Variants in ROBO1 observed in about 807,000 individuals in gnomAD.
ROBO1 encodes the protein roundabout guidance receptor 1.
Under a neutral mutation model 195.9 loss-of-function variants are expected in ROBO1, and 149 were observed. The observed-to-expected ratio is 0.76, with a 90% confidence interval of 0.67 to 0.87. ROBO1 has a LOEUF of 0.87. Ranked by LOEUF, ROBO1 falls within the 40% of genes least tolerant of loss-of-function variation. The pLI, the probability that ROBO1 is intolerant of heterozygous loss-of-function variation, is 0.00. For missense variants in ROBO1, 1,933 were observed against 2,068.3 expected (o/e 0.93, Z 1.27); for synonymous variants, 816 against 733.2 (o/e 1.11, Z -1.82).
chr3:79,381,275 TG>T (rs1308418763), intron 2 of ROBO1, among the ~76,000 whole-genome samples: 1 of 147,116 alleles, frequency 6.8e-6, no homozygotes, highest in African/African-American at 2.5e-5. Flanking sequence ...GAGAATTGCT[TG>T]AACCCATGAG....
At chr3:78,836,592 T>C (rs999643052) in intron 4 of ROBO1, among the ~76,000 whole-genome samples, 2 of 151,818 alleles carry the variant, frequency 1.3e-5, no homozygotes, top group Non-Finnish European at 2.9e-5. Context: ...AGACAATTCA[T>C]TGATTATAAT....
rs768907147 is a variant in ROBO1 at position 78,639,809 on chromosome 3, G to A, written c.2972C>T (p.Ser991Phe). The A allele has an allele frequency of 1.1e-5, 18 of 1,613,492 alleles. 1 individual carries two copies. In the South Asian group the frequency reaches 1.9e-4, roughly 17 times the overall value. The change falls in exon 22 of 31, where the codon TCC becomes TTC. Residue 991 changes from serine to phenylalanine, a missense_variant. Around this residue, in one of 3 missense-constraint regions of ROBO1, gnomAD observed 1,737 missense variants for 1,882.5 expected, o/e 0.92. Coordinates refer to ENST00000464233, the MANE Select transcript of ROBO1 (RefSeq NM_002941.4). ...ATTGCCTGCCGTGCAGCAGCTGATGGAGCAGTCATTGTGGTTGTTGCCAGT... is the reference window on the plus strand; with the variant it reads ...ATTGCCTGCCGTGCAGCAGCTGATGAAGCAGTCATTGTGGTTGTTGCCAGT... ...PNTGNNHNDC[S>F]ISCCTAGNGN...
chr3:78,849,470 AT>A (rs1354557047), intron 4 of ROBO1, among the ~76,000 whole-genome samples: 1 of 152,036 alleles, frequency 6.6e-6, no homozygotes, highest in African/African-American at 2.4e-5. Context: ...AGTGAAAGTG[AT>A]TTTACTTATC....
intron 4 of ROBO1, among the ~76,000 whole-genome samples, chr3:78,763,234 A>G (rs1419741785): frequency 6.6e-6 from 1 of 152,180 alleles, no homozygotes; most frequent in African/African-American, 2.4e-5. Flanking sequence ...AAGAGAAGAC[A>G]AAAGAACAAC....
intron 3 of ROBO1, among the ~76,000 whole-genome samples, chr3:79,088,077 G>A (rs2079406694): frequency 6.6e-6 from 1 of 152,144 alleles, no homozygotes; most frequent in Non-Finnish European, 1.5e-5. Flanking sequence ...CTCAACTAGT[G>A]TTGATGACGG....
In ROBO1 at chr3:79,176,012, C is replaced by T. The variant is rs73110971; in HGVS notation, c.89-50473G>A. Among the ~76,000 whole-genome samples the T allele has an allele frequency of 1.3e-3, 197 of 152,282 alleles. 2 individuals carry two copies. Among genetic ancestry groups the T allele is most frequent in the Non-Finnish European group, 1.5e-3 (104 of 68,028 alleles). On this transcript the variant is annotated intron_variant, in intron 2 of 30. Transcript: ENST00000464233. ...TTCATACTCAACCCCTTGAAGGTTA[C>T]GCTGATCAACTGGCTACCCTGGGGG...
At chr3:79,609,058 A>G (rs1944576734) in intron 1 of ROBO1, among the ~76,000 whole-genome samples, 1 of 151,918 alleles carries the variant, frequency 6.6e-6, no homozygotes, top group African/African-American at 2.4e-5. Context: ...AGGACACAGC[A>G]AGTAGGTCCT....
chr3:79,199,604 AT>A (rs113303436), intron 2 of ROBO1, among the ~76,000 whole-genome samples: 16,770 of 148,040 alleles, frequency 0.11, 1,801 homozygotes, highest in African/African-American at 0.28. Flanking sequence ...CCCAATTACC[AT>A]TTTTTTTTTG....
At chr3:78,750,536 TAAC>T (rs2082767070) in intron 4 of ROBO1, among the ~76,000 whole-genome samples, 2 of 151,378 alleles carry the variant, frequency 1.3e-5, no homozygotes, top group Non-Finnish European at 2.9e-5. Context: ...GTACAAAACA[TAAC>T]AAAGCATATA....
At chr3:79,640,450 G>C (rs187183572) in intron 1 of ROBO1, among the ~76,000 whole-genome samples, 1 of 151,932 alleles carries the variant, frequency 6.6e-6, no homozygotes, top group East Asian at 1.9e-4. Context: ...ACCCAGTGTC[G>C]GGTATGTCTT....
chr3:78,704,164 G>A (rs559482719), intron 8 of ROBO1, among the ~76,000 whole-genome samples: 5 of 152,176 alleles, frequency 3.3e-5, no homozygotes, highest in African/African-American at 4.8e-5. Context: ...AAATAACCAC[G>A]TTAATGGTCA....
At chr3:79,713,558 G>A (rs1702361998) in intron 1 of ROBO1, among the ~76,000 whole-genome samples, 1 of 152,046 alleles carries the variant, frequency 6.6e-6, no homozygotes, top group South Asian at 2.1e-4. Context: ...ACTAGAATTA[G>A]AAGTGAAATC....
At chr3:78,831,767 TG>T (rs1424823697) in intron 4 of ROBO1, among the ~76,000 whole-genome samples, 6 of 152,186 alleles carry the variant, frequency 3.9e-5, no homozygotes, top group Non-Finnish European at 8.8e-5. Context: ...ACAATCATGG[TG>T]GAAAGCAAAG....
intron 1 of ROBO1, among the ~76,000 whole-genome samples, chr3:79,703,000 C>T (rs541173564): frequency 1.3e-5 from 2 of 151,914 alleles, no homozygotes; most frequent in South Asian, 4.1e-4. Flanking sequence ...ACCTACTATT[C>T]CCTTGGATAT....
chr3:78,924,774 G>A (rs1037916023), intron 4 of ROBO1, among the ~76,000 whole-genome samples: 22 of 152,116 alleles, frequency 1.4e-4, no homozygotes, highest in African/African-American at 5.3e-4. Context: ...GGCAAAGGCT[G>A]TGACATTCTA....
At chr3:79,477,219 T>C (rs1231046517) in intron 2 of ROBO1, among the ~76,000 whole-genome samples, 1 of 152,190 alleles carries the variant, frequency 6.6e-6, no homozygotes, top group Non-Finnish European at 1.5e-5. Flanking sequence ...GGCATATCAT[T>C]ATTTTTATTC....
chr3:78,878,893 CAAAT>C (rs1379203919), intron 4 of ROBO1, among the ~76,000 whole-genome samples: 3 of 152,040 alleles, frequency 2.0e-5, no homozygotes, highest in African/African-American at 4.8e-5. Flanking sequence ...TGACAATAAA[CAAAT>C]AAATAAATAA....
intron 22 of ROBO1, 123 bp from the exon 23 acceptor site, chr3:78,636,231 A>G (rs1705492709): frequency 1.6e-6 from 1 of 635,510 alleles, no homozygotes; most frequent in South Asian, 2.4e-5. Flanking sequence ...GGGCTTAAAT[A>G]AGATCAATAA....
intron 8 of ROBO1, among the ~76,000 whole-genome samples, chr3:78,696,443 C>T (rs541117272): frequency 3.3e-5 from 5 of 152,146 alleles, no homozygotes; most frequent in Admixed American, 3.3e-4. Flanking sequence ...ATCAAGGTCA[C>T]AGGGGGTTCA....
Sources: allele counts gnomAD v4.1 joint callset (sites outside exome capture counted in the v4.1 genomes callset), GRCh38; gene constraint gnomAD v4.1.1; regional missense constraint gnomAD v4.1.1; transcripts MANE v1.5; gene names NCBI Gene and HGNC (gene_info 2026-07-23, HGNC 2026-07-21).